Variants in GAK observed in about 807,000 individuals in gnomAD.
GAK encodes the protein cyclin-G-associated kinase.
In GAK, 79 loss-of-function variants were observed where a neutral mutation model predicts 143.9. That is an observed-to-expected ratio of 0.55 (90% CI 0.46 to 0.66). The LOEUF is 0.66. Among genes scored for constraint, GAK ranks in the 30% least tolerant of loss-of-function variants. GAK has a pLI of 0.00. For synonymous variants in GAK, 881 were observed against 765.5 expected (o/e 1.15, Z -2.49); for missense variants, 1,693 against 1,779.7 (o/e 0.95, Z 0.88).
intron 11 of GAK, among the ~76,000 whole-genome samples, chr4:884,852 AC>A (rs1404548349): frequency 6.6e-6 from 1 of 152,234 alleles, no homozygotes. Flanking sequence ...TCAGCTAGGC[AC>A]ATCGCAGAGG....
chr4:889,710 G>A (rs1461728333), intron 10 of GAK, among the ~76,000 whole-genome samples: 2 of 152,334 alleles, frequency 1.3e-5, no homozygotes, highest in East Asian at 1.9e-4. Flanking sequence ...GTGGGGATGC[G>A]GGGCGAGGTC....
rs560083151 is a variant in GAK, at chr4:850,225, AC to A, written c.3658-158del. 8.9e-5 allele frequency: 60 copies of A among 671,140 alleles called. No individual in the cohort carries two copies. In the African/African-American group the frequency reaches 1.0e-3, roughly 12 times the overall value. 41.6% of individuals were successfully genotyped at this position (671,140 alleles called of 1,614,324 possible). On this transcript the variant is annotated intron_variant, in intron 26 of 27. Coordinates refer to ENST00000314167, the MANE Select transcript of GAK (RefSeq NM_005255.4). ...TGTCCCACTGCACGCCCTGCCCTCA[AC>A]TATATAGAGCCCACTCCGGACGACA...
At chr4:900,704 C>A (rs1719709024) in intron 5 of GAK, among the ~76,000 whole-genome samples, 1 of 152,222 alleles carries the variant, frequency 6.6e-6, no homozygotes, top group Admixed American at 6.5e-5. Context: ...GCATGGGTTT[C>A]TGGAAACCAG....
At position 896,566 on chromosome 4, in the gene GAK, A is replaced by G. The variant is rs371629596; in HGVS notation, c.652-17T>C. On this transcript the variant is annotated splice_polypyrimidine_tract_variant and intron_variant, in intron 6 of 27. Transcript: ENST00000314167. ...CCTCGTGATCTGAAAAAATACAAACATTTCAAAGGAAAAGTTGCATCCCAC... is the reference window on the plus strand; with the variant it reads ...CCTCGTGATCTGAAAAAATACAAACGTTTCAAAGGAAAAGTTGCATCCCAC... 10 of 1,582,298 alleles carry G rather than the reference A, an allele frequency of 6.3e-6. No homozygotes were observed. The highest frequency in any genetic ancestry group is 1.3e-5 in the African/African-American group (1 of 74,236).
chr4:893,845 C>A (rs778759115), intron 8 of GAK, 29 bp downstream of exon 8: 2 of 1,554,138 alleles, frequency 1.3e-6, no homozygotes, highest in African/African-American at 2.7e-5. Context: ...CAGGGTCCTG[C>A]CCCACGCACG....
chr4:869,851 CAT>C (rs761314331), intron 19 of GAK: 41 of 151,866 alleles, frequency 2.7e-4, no homozygotes, highest in Non-Finnish European at 5.3e-4. Flanking sequence ...ACACAGCACA[CAT>C]AGATGCAGGG....
chr4:896,733 G>C (rs1245566249), intron 6 of GAK, among the ~76,000 whole-genome samples, 184 bp from the exon 7 acceptor site: 2 of 152,250 alleles, frequency 1.3e-5, no homozygotes, highest in Non-Finnish European at 2.9e-5. Flanking sequence ...GCTCATCTTC[G>C]GCCTCAGCGC....
intron 24 of GAK, 82 bp downstream of exon 24, chr4:859,524 G>A: frequency 6.3e-7 from 1 of 1,595,590 alleles, no homozygotes. Context: ...ACTTCACTTT[G>A]GGCAGCTCAG....
At chr4:859,848 T>C (rs2152717122) in intron 23 of GAK, 126 bp from the exon 24 acceptor site, 1 of 697,496 alleles carries the variant, frequency 1.4e-6, no homozygotes, top group Non-Finnish European at 2.5e-6. Context: ...GGCACCTGCA[T>C]GGCTTGCGTG....
At position 920,332 on chromosome 4, in the gene GAK, C is replaced by A. The variant is rs371559411; in HGVS notation, c.146-6664G>T. Among the ~76,000 whole-genome samples, 136 of 150,344 alleles carry A rather than the reference C, an allele frequency of 9.0e-4. 2 individuals carry two copies. The highest frequency in any genetic ancestry group is 3.2e-3 in the African/African-American group (131 of 40,912). ...CAAAAAAAAAAAAACAAAAAACCAA[C>A]AACAAAAAAACACAGCATCACTGAT... is the stretch of plus-strand genomic sequence containing the variant. On this transcript the variant is annotated intron_variant, in intron 1 of 27. Coordinates refer to ENST00000314167, the MANE Select transcript of GAK (RefSeq NM_005255.4).
At position 866,387 on chromosome 4, in the gene GAK, C is replaced by A; in HGVS notation, c.3020G>T (p.Cys1007Phe). The change falls in exon 22 of 28, where the codon TGC becomes TTC. Residue 1007 changes from cysteine (C) to phenylalanine (F), a missense_variant. Physicochemically the swap from Cys to Phe is radical, Grantham distance 205. This residue lies in a region of GAK where 822 missense variants were observed against 788.7 expected (regional missense o/e 1.04). Transcript: ENST00000314167. Reference sequence around the variant, plus strand: ...ACCCAGGTGCAGGAAGTCGGCGCTGCAGGATGGGGGCGGAGCACTGTGGGC... The same window carrying A: ...ACCCAGGTGCAGGAAGTCGGCGCTGAAGGATGGGGGCGGAGCACTGTGGGC... ...PSAHSAPPPS[C>F]SADFLHLGDL... 1 of 1,614,062 alleles carries A rather than the reference C, an allele frequency of 6.2e-7. No homozygotes were observed.
intron 22 of GAK, among the ~76,000 whole-genome samples, chr4:866,105 C>G (rs1412462467): frequency 2.6e-5 from 4 of 152,252 alleles, no homozygotes; most frequent in Non-Finnish European, 4.4e-5. Flanking sequence ...CACCTGTTGC[C>G]AGTCACAGAC....
At chr4:876,728 C>G in intron 17 of GAK, 119 bp from the exon 18 acceptor site, 1 of 826,586 alleles carries the variant, frequency 1.2e-6, no homozygotes, top group South Asian at 1.5e-5. Flanking sequence ...GAGGCATGGA[C>G]GGCGCCCCCG....
chr4:883,606 C>G lies in GAK; in HGVS notation c.1256-143G>C, dbSNP rs1057184951. 125 of 926,870 alleles carry G rather than the reference C, an allele frequency of 1.3e-4. No individual in the cohort carries two copies. The African/African-American group carries it at 1.9e-3, about 14-fold the overall frequency. The allele number at this position is 926,870 out of a possible 1,614,324, so 57.4% of individuals were successfully genotyped here. A position where few individuals can be genotyped will look rare whatever the true frequency, so the allele number is the denominator to read the frequency against. ...AGCCACTGCCCACACAGCCGGCCCC[C>G]TCACCCTCCGTGGACTCCCAGCCTG... On this transcript the variant is annotated intron_variant, in intron 12 of 27. Coordinates refer to ENST00000314167, the MANE Select transcript of GAK (RefSeq NM_005255.4).
chr4:849,837 C>A (rs1191645976), intron 27 of GAK, 55 bp downstream of exon 27: 2 of 1,093,108 alleles, frequency 1.8e-6, no homozygotes, highest in Non-Finnish European at 1.3e-6. Flanking sequence ...GGGCAGGACC[C>A]CCCCCCCGCC....
At chr4:850,247 C>A in intron 26 of GAK, 179 bp from the exon 27 acceptor site, 1 of 524,388 alleles carries the variant, frequency 1.9e-6, no homozygotes. Context: ...CCACTCCGGA[C>A]GACACAGGGC....
At position 915,354 on chromosome 4, in the gene GAK, C is replaced by T. The variant is rs974323737; in HGVS notation, c.146-1686G>A. ...ATAGAAGGAAAAACAAAACCACAAG[C>T]AGTTCTCCAAAGACCAACGAGACTG... On this transcript the variant is annotated intron_variant, in intron 1 of 27. Transcript: ENST00000314167. The T allele has an allele frequency of 5.8e-5, 11 of 190,454 alleles. No homozygotes were observed. In the South Asian group the frequency reaches 8.1e-4, roughly 14 times the overall value. The allele number at this position is 190,454 out of a possible 1,614,324, so 11.8% of individuals were successfully genotyped here.
At position 849,881 on chromosome 4, in the gene GAK, G is replaced by C. The variant is rs371316529; in HGVS notation, c.3834+11C>G. ...GAAGGCCTCAAGCGGCCGCCTGGCAGCTCTGCTCACCTTGTCGGGGTGCAC... is the reference window on the plus strand; with the variant it reads ...GAAGGCCTCAAGCGGCCGCCTGGCACCTCTGCTCACCTTGTCGGGGTGCAC... On this transcript the variant is annotated intron_variant, in intron 27 of 27. Transcript: ENST00000314167. 85 of 1,565,364 alleles carry C rather than the reference G, an allele frequency of 5.4e-5. 6 individuals are homozygous for C. The highest frequency in any genetic ancestry group is 1.4e-4 in the East Asian group (6 of 42,886).
chr4:866,641 C>A (rs1751236152), intron 21 of GAK, 107 bp from the exon 22 acceptor site: 2 of 1,252,506 alleles, frequency 1.6e-6, no homozygotes, highest in Non-Finnish European at 2.2e-6. Context: ...GCTGGGCAGC[C>A]CAGACCCCAC....
Sources: allele counts gnomAD v4.1 joint callset (sites outside exome capture counted in the v4.1 genomes callset), GRCh38; gene constraint gnomAD v4.1.1; regional missense constraint gnomAD v4.1.1; transcripts MANE v1.5; gene names NCBI Gene and HGNC (gene_info 2026-07-23, HGNC 2026-07-21).